CCDC57: variants seen among roughly 807,000 people sequenced by gnomAD.
The protein encoded by CCDC57 is coiled-coil domain-containing protein 57.
CCDC57 carries 118 observed loss-of-function variants against 118.9 expected under a neutral mutation model. The ratio of observed to expected loss-of-function variants is 0.99; its 90% CI spans 0.86 to 1.16. The LOEUF is 1.16. CCDC57 is among the 50% of genes most tolerant of loss of function. CCDC57 has a pLI of 0.00. For missense variants in CCDC57, 1,300 were observed against 1,320.7 expected (o/e 0.98, Z 0.24); for synonymous variants, 527 against 532.9 (o/e 0.99, Z 0.15).
At chr17:82,203,381 C>G (rs1282497968) in intron 2 of CCDC57, among the ~76,000 whole-genome samples, 5 of 152,142 alleles carry the variant, frequency 3.3e-5, no homozygotes, top group Non-Finnish European at 7.3e-5. Flanking sequence ...GTATTTCTTT[C>G]CAGCAATGTG....
At chr17:82,112,798 C>T (rs34537377) in intron 19 of CCDC57, 5,052 of 152,572 alleles carry the variant, frequency 0.033, 138 homozygotes, top group Non-Finnish European at 0.05. Context: ...CGGTCTTGTC[C>T]GGGATCTCGG....
chr17:82,191,374 T>G (rs536687607), intron 7 of CCDC57, among the ~76,000 whole-genome samples: 2 of 152,166 alleles, frequency 1.3e-5, no homozygotes, highest in African/African-American at 4.8e-5. Flanking sequence ...TTTTACCACG[T>G]GGAACTGTCT....
chr17:82,158,386 T>C lies in CCDC57; in HGVS notation c.2041-438A>G, dbSNP rs112324066. Among the ~76,000 whole-genome samples, 809 of 152,222 alleles carry C rather than the reference T, an allele frequency of 5.3e-3. 8 individuals are homozygous for C. Among genetic ancestry groups the C allele is most frequent in the African/African-American group, 0.018 (764 of 41,538 alleles). ...GGCCAGGAAGTCGGAGGGCTGAGGC[T>C]ATTGAAAGGCAGGTGGATAGGCTGG... On this transcript the variant is annotated intron_variant, in intron 14 of 19. Coordinates refer to ENST00000665763, the Ensembl canonical transcript of CCDC57.
chr17:82,164,400 A>G (rs2043729944), intron 13 of CCDC57, among the ~76,000 whole-genome samples: 1 of 152,064 alleles, frequency 6.6e-6, no homozygotes, highest in East Asian at 1.9e-4. Flanking sequence ...AAAAACAAAC[A>G]AACAAAAAAA....
At position 82,165,368 on chromosome 17, in the gene CCDC57, A is replaced by G. The variant is rs115187840; in HGVS notation, c.1883-2011T>C. ...CACTAGGGGAAAATTCTGAACAGTG[A>G]GAAATGAAGGCTGAGTGTCTAGGGG... On this transcript the variant is annotated intron_variant, in intron 13 of 19. Transcript: ENST00000665763. Among the ~76,000 whole-genome samples, 1,071 of 152,230 alleles carry G rather than the reference A, an allele frequency of 7.0e-3. 10 individuals carry two copies. The highest frequency in any genetic ancestry group is 0.025 in the African/African-American group (1,045 of 41,534).
intron 16 of CCDC57, among the ~76,000 whole-genome samples, chr17:82,134,819 A>G (rs915014416): frequency 6.6e-6 from 1 of 152,074 alleles, no homozygotes; most frequent in African/African-American, 2.4e-5. Flanking sequence ...AAGAAGCAAA[A>G]GCTTAAGTAT....
intron 5 of CCDC57, chr17:82,194,362 G>A (rs1397805626): frequency 2.2e-6 from 1 of 450,836 alleles, no homozygotes; most frequent in Non-Finnish European, 3.9e-6. Flanking sequence ...CCAGGCTGGA[G>A]TGCAATGGCG....
chr17:82,197,003 T>A (rs1232574505), intron 4 of CCDC57, among the ~76,000 whole-genome samples: 2 of 106,860 alleles, frequency 1.9e-5, no homozygotes, highest in Non-Finnish European at 3.6e-5. Flanking sequence ...ACTCAGCCCC[T>A]CGTGACTCCT....
chr17:82,196,324 G>A (rs555900003), intron 4 of CCDC57, among the ~76,000 whole-genome samples: 8 of 152,286 alleles, frequency 5.3e-5, no homozygotes, highest in South Asian at 2.1e-4. Context: ...AAAGAACTCC[G>A]GCTGTTCTCA....
At chr17:82,145,019 T>C (rs1023971407) in intron 16 of CCDC57, among the ~76,000 whole-genome samples, 24 of 103,502 alleles carry the variant, frequency 2.3e-4, no homozygotes, top group Non-Finnish European at 4.4e-4. Context: ...CTTTTCTTTT[T>C]TTTTTTCTTT....
chr17:82,174,351 C>T (rs566239038), intron 11 of CCDC57, among the ~76,000 whole-genome samples: 89 of 152,386 alleles, frequency 5.8e-4, no homozygotes, highest in African/African-American at 2.1e-3. Flanking sequence ...GAAACGGAGA[C>T]AGTGCGATGC....
rs895274840 is a variant in CCDC57, at chr17:82,212,611, G to A, written c.-211+174C>T. Among the ~76,000 whole-genome samples the A allele has an allele frequency of 6.6e-6, 1 of 151,994 alleles. No homozygotes were observed. Among genetic ancestry groups the A allele is most frequent in the Non-Finnish European group, 1.5e-5 (1 of 67,952 alleles). On this transcript the variant is annotated intron_variant, in intron 1 of 19. Coordinates refer to ENST00000665763, the Ensembl canonical transcript of CCDC57. This position sits in a 1 kb window ranked among gnomAD's most constrained non-coding sequence, Gnocchi z 4.1. ...CCCGCCCCGCCGCAGCCTCCGCGAG[G>A]GGATCCCCGGTCCGGGCCTGGCCGA...
At chr17:82,163,312 CCAGCTTGGA>C in exon 14 of CCDC57, 2 of 1,613,738 alleles carry the variant, frequency 1.2e-6, no homozygotes, top group Non-Finnish European at 1.7e-6. Context: ...TCCTGCTTGA[CCAGCTTGGA>C]CAGACCCTCC....
chr17:82,174,831 C>T (rs1215346489), intron 11 of CCDC57, among the ~76,000 whole-genome samples: 2 of 152,188 alleles, frequency 1.3e-5, no homozygotes, highest in Non-Finnish European at 2.9e-5. Flanking sequence ...AGAATTATTG[C>T]CTTTGAGTTC....
At chr17:82,182,720 C>T (rs1461273577) in intron 9 of CCDC57, among the ~76,000 whole-genome samples, 1 of 151,746 alleles carries the variant, frequency 6.6e-6, no homozygotes, top group Non-Finnish European at 1.5e-5. Flanking sequence ...GAATCTCACT[C>T]TGCTGCCCAG....
intron 3 of CCDC57, among the ~76,000 whole-genome samples, chr17:82,199,261 C>T (rs752359181): frequency 7.9e-5 from 12 of 151,712 alleles, no homozygotes; most frequent in Non-Finnish European, 1.6e-4. Context: ...GTGGATCACC[C>T]GGGGTCAGGA....
intron 8 of CCDC57, 93 bp from the exon 8 acceptor site, chr17:82,184,025 G>GCT: frequency 2.3e-5 from 9 of 387,890 alleles, no homozygotes; most frequent in East Asian, 1.0e-4. Flanking sequence ...ATGCGCGCGC[G>GCT]CGCGCGCACA....
At chr17:82,152,790 G>GCAGGTGCTGCTGCCTTC (rs564019915) in intron 15 of CCDC57, among the ~76,000 whole-genome samples, 3 of 152,264 alleles carry the variant, frequency 2.0e-5, no homozygotes, top group East Asian at 1.9e-4. Flanking sequence ...TCCAGGGCTG[G>GCAGGTGCTGCTGCCTTC]CAGGTGCTGC....
At position 82,205,166 on chromosome 17, in the gene CCDC57, T is replaced by G. The variant is rs559043967; in HGVS notation, c.-9+2681A>C. On this transcript the variant is annotated intron_variant, in intron 2 of 19. Transcript: ENST00000665763. ...CTATCAGCAAATACACATTAAATGA[T>G]GGAACACCACTGTGATCTCTGATGA... 2.6e-5 allele frequency among the ~76,000 whole-genome samples: 4 copies of G among 152,332 alleles called. No homozygotes were observed. In the South Asian group the frequency reaches 8.3e-4, roughly 32 times the overall value.
Sources: gnomAD v4.1 joint callset for allele counts (sites outside exome capture counted in the v4.1 genomes callset) on GRCh38, gnomAD v4.1.1 for gene constraint, Gnocchi (gnomAD v3.1) non-coding constraint, MANE v1.5 for transcripts, NCBI Gene and HGNC (gene_info 2026-07-23, HGNC 2026-07-21) for gene names.